The following L3MBTL4 variants were observed in gnomAD, a reference collection of about 807,000 sequenced individuals.
The protein encoded by L3MBTL4 is L3MBTL histone methyl-lysine binding protein 4, also known as lethal(3)malignant brain tumor-like protein 4.
A neutral mutation model predicts 84.5 loss-of-function variants in L3MBTL4; 70 were observed. The observed-to-expected ratio is 0.83, with a 90% confidence interval of 0.68 to 1.01. L3MBTL4 has a LOEUF of 1.01. Ranked by LOEUF, L3MBTL4 falls within the 50% of genes least tolerant of loss-of-function variation. The pLI, the probability that L3MBTL4 is intolerant of heterozygous loss-of-function variation, is 0.00. For synonymous variants in L3MBTL4, 274 were observed against 259.8 expected, an observed-to-expected ratio of 1.05 and a Z score of -0.52; for missense variants, 715 against 754.8, an observed-to-expected ratio of 0.95 and a Z score of 0.62.
intron 12 of L3MBTL4, among the ~76,000 whole-genome samples, chr18:6,204,712 T>A (rs2045798049): frequency 6.6e-6 from 1 of 152,236 alleles, no homozygotes; most frequent in African/African-American, 2.4e-5. Flanking sequence ...CCCCTCAGCA[T>A]CTTTGAGCAC....
At chr18:6,358,179 A>G (rs1358134276) in intron 1 of L3MBTL4, among the ~76,000 whole-genome samples, 1 of 152,236 alleles carries the variant, frequency 6.6e-6, no homozygotes, top group Non-Finnish European at 1.5e-5. Flanking sequence ...ATCCTAGAAA[A>G]TGACCTTTAA....
chr18:6,031,052 A>G, intron 16 of L3MBTL4: 1 of 985,420 alleles, frequency 1.0e-6, no homozygotes, highest in Non-Finnish European at 1.2e-6. Context: ...GGACTGCTCC[A>G]TAAAACACTT....
In L3MBTL4 at chr18:6,243,399, C is replaced by T. The variant is rs202225584; in HGVS notation, c.355G>A (p.Asp119Asn). 4.3e-5 allele frequency: 69 copies of T among 1,607,280 alleles called. No homozygotes were observed. In the East Asian group the frequency reaches 1.5e-3, roughly 34 times the overall value. The change falls in exon 7 of 19, where the codon GAT becomes AAT. Residue 119 changes from aspartate to asparagine, a missense_variant. Asp to Asn is a conservative substitution (Grantham distance 23). Coordinates refer to ENST00000317931, the MANE Select transcript of L3MBTL4 (RefSeq NM_001330559.2). ...VCGYRLRLHF[D>N]GYLSCYDFWT... Reference sequence around the variant, plus strand: ...AAATCATAGCAACTTAAATAACCATCAAAATGAAGTCTTAGACGGTAACCA... The same window carrying T: ...AAATCATAGCAACTTAAATAACCATTAAAATGAAGTCTTAGACGGTAACCA...
intron 16 of L3MBTL4, among the ~76,000 whole-genome samples, chr18:5,971,563 T>C (rs181647787): frequency 3.9e-5 from 6 of 152,328 alleles, no homozygotes; most frequent in African/African-American, 9.6e-5. Context: ...AGAACAAATA[T>C]GTCAAGTGAT....
At chr18:6,116,615 C>T (rs1049147307) in intron 14 of L3MBTL4, among the ~76,000 whole-genome samples, 8 of 152,018 alleles carry the variant, frequency 5.3e-5, no homozygotes, top group African/African-American at 7.2e-5. Flanking sequence ...CCACCTGCCT[C>T]GGCTTCCCAA....
intron 16 of L3MBTL4, among the ~76,000 whole-genome samples, chr18:6,036,105 T>C (rs1282886243): frequency 6.6e-6 from 1 of 152,216 alleles, no homozygotes; most frequent in Non-Finnish European, 1.5e-5. Flanking sequence ...GATGCCTCTT[T>C]CTTGCTGCTT....
At position 6,202,912 on chromosome 18, in the gene L3MBTL4, T is replaced by C. The variant is rs183620668; in HGVS notation, c.981+10237A>G. 1.3e-3 allele frequency among the ~76,000 whole-genome samples: 195 copies of C among 152,244 alleles called. 2 individuals carry two copies. The South Asian group carries it at 0.015, about 11-fold the overall frequency. On this transcript the variant is annotated intron_variant, in intron 12 of 18. Coordinates refer to ENST00000317931, the MANE Select transcript of L3MBTL4 (RefSeq NM_001330559.2). ...GCAGTAGATACAATTTTTAAAGTTA[T>C]TGGAAAATATAAAGTGCTGAAAACC...
chr18:5,966,956 G>A (rs1169777109), intron 17 of L3MBTL4, among the ~76,000 whole-genome samples: 2 of 152,182 alleles, frequency 1.3e-5, no homozygotes, highest in South Asian at 4.1e-4. Context: ...TTGAATCTGA[G>A]TTCTTTTCTT....
intron 1 of L3MBTL4, among the ~76,000 whole-genome samples, chr18:6,369,344 C>T (rs573409072): frequency 2.0e-5 from 3 of 152,076 alleles, no homozygotes; most frequent in Admixed American, 1.3e-4. Flanking sequence ...CTCCAGGGGA[C>T]GGGCAGGGAG....
chr18:6,070,233 G>T (rs1472628277), intron 16 of L3MBTL4, among the ~76,000 whole-genome samples: 1 of 151,930 alleles, frequency 6.6e-6, no homozygotes, highest in African/African-American at 2.4e-5. Flanking sequence ...CAAATATAAG[G>T]CACTTCATAG....
chr18:6,347,729 T>C (rs1169016588), intron 1 of L3MBTL4, among the ~76,000 whole-genome samples: 1 of 151,982 alleles, frequency 6.6e-6, no homozygotes, highest in Non-Finnish European at 1.5e-5. Flanking sequence ...TGGTGAATTA[T>C]TGACAGCTTT....
Position 6,241,466 on chromosome 18 carries a change from T to C in L3MBTL4, c.461-17A>G, listed in dbSNP as rs368899826. 30 of 1,337,242 alleles carry C rather than the reference T, an allele frequency of 2.2e-5. No individual in the cohort carries two copies. The highest frequency in any genetic ancestry group is 3.1e-5 in the Non-Finnish European group (29 of 941,692). The allele number at this position is 1,337,242 out of a possible 1,614,324, so 82.8% of individuals were successfully genotyped here. On this transcript the variant is annotated splice_polypyrimidine_tract_variant and intron_variant, in intron 7 of 18. Transcript: ENST00000317931. ...TTCTATAACCTAAAAAAAGCACAGA[T>C]TACTCAAAATACCCAAAAGATGTAA...
intron 18 of L3MBTL4, among the ~76,000 whole-genome samples, chr18:5,957,787 G>A (rs1282557162): frequency 1.3e-5 from 2 of 151,200 alleles, no homozygotes; most frequent in Non-Finnish European, 2.9e-5. Flanking sequence ...GAGACCCCCC[G>A]CCCCTGCTCC....
chr18:6,042,105 A>G (rs2056428339), intron 16 of L3MBTL4, among the ~76,000 whole-genome samples: 1 of 152,032 alleles, frequency 6.6e-6, no homozygotes, highest in Admixed American at 6.6e-5. Context: ...AGCCCTCCCC[A>G]CAGAGGATGT....
At chr18:6,225,340 G>T (rs2046734967) in intron 10 of L3MBTL4, among the ~76,000 whole-genome samples, 1 of 152,240 alleles carries the variant, frequency 6.6e-6, no homozygotes, top group African/African-American at 2.4e-5. Flanking sequence ...TGTCAGTCTG[G>T]AATAATGGGC....
chr18:5,993,661 C>A (rs1271191882), intron 16 of L3MBTL4, among the ~76,000 whole-genome samples: 1 of 151,922 alleles, frequency 6.6e-6, no homozygotes, highest in African/African-American at 2.4e-5. Context: ...ATCCTTCAAG[C>A]AAAAATTTTA....
chr18:6,238,068 T>G, intron 9 of L3MBTL4, 28 bp from the exon 10 acceptor site: 2 of 1,586,844 alleles, frequency 1.3e-6, no homozygotes, highest in Non-Finnish European at 1.7e-6. Context: ...TATATTACGT[T>G]CCGTTTTACT....
chr18:5,986,593 G>T (rs997599246), intron 16 of L3MBTL4, among the ~76,000 whole-genome samples: 1 of 152,194 alleles, frequency 6.6e-6, no homozygotes, highest in Non-Finnish European at 1.5e-5. Flanking sequence ...CTTAAGCAAA[G>T]ATTTCAAAAT....
intron 16 of L3MBTL4, among the ~76,000 whole-genome samples, chr18:6,048,645 CG>C (rs766605575): frequency 9.9e-5 from 15 of 151,988 alleles, no homozygotes; most frequent in South Asian, 6.2e-4. Flanking sequence ...AAAAATTAGC[CG>C]GGTGTGGTGG....
Sources: allele counts gnomAD v4.1 joint callset (sites outside exome capture counted in the v4.1 genomes callset), GRCh38; gene constraint gnomAD v4.1.1; transcripts MANE v1.5; gene names NCBI Gene and HGNC (gene_info 2026-07-23, HGNC 2026-07-21).